C4orf36: variants seen among roughly 807,000 people sequenced by gnomAD.
The protein encoded by C4orf36 is uncharacterized protein C4orf36.
C4orf36 carries 11 observed loss-of-function variants against 12.2 expected under a neutral mutation model. The ratio of observed to expected loss-of-function variants is 0.90; its 90% confidence interval spans 0.57 to 1.49. The LOEUF (loss-of-function observed/expected upper bound fraction) is 1.49, where lower values mean the gene tolerates loss of function less well. Ranked by LOEUF, C4orf36 falls within the 40% of genes most tolerant of loss-of-function variation. C4orf36 has a pLI of 0.00. For synonymous variants in C4orf36, 54 were observed against 51.3 expected (o/e 1.05, Z -0.22); for missense variants, 137 against 133.9 (o/e 1.02, Z -0.11).
At chr4:86,890,647 G>C (rs1284586913) in intron 2 of C4orf36, among the ~76,000 whole-genome samples, 1 of 152,090 alleles carries the variant, frequency 6.6e-6, no homozygotes, top group East Asian at 1.9e-4. Flanking sequence ...TAATCCCGTA[G>C]GGAATCCTCA....
chr4:86,905,519 C>T, the C4orf36 span, among the ~76,000 whole-genome samples: 1 of 152,156 alleles, frequency 6.6e-6, no homozygotes, highest in Non-Finnish European at 1.5e-5. Flanking sequence ...CACCATTGCA[C>T]TCTAGCTTGG....
chr4:86,899,254 A>G, the C4orf36 span, among the ~76,000 whole-genome samples: 1 of 152,184 alleles, frequency 6.6e-6, no homozygotes, highest in Non-Finnish European at 1.5e-5. Flanking sequence ...GTCAAAGGAC[A>G]CCCCTGCAGT....
chr4:86,919,063 A>C, the C4orf36 span, among the ~76,000 whole-genome samples: 1 of 151,974 alleles, frequency 6.6e-6, no homozygotes, highest in Non-Finnish European at 1.5e-5. Flanking sequence ...TCCCATAGTC[A>C]GAGAGCCTGG....
At chr4:86,931,928 A>G in the C4orf36 span, among the ~76,000 whole-genome samples, 1 of 151,726 alleles carries the variant, frequency 6.6e-6, no homozygotes, top group South Asian at 2.1e-4. Flanking sequence ...CCAGCTACTC[A>G]GGAGGCTGAG....
chr4:86,881,644 A>G (rs558776237), intron 4 of C4orf36, among the ~76,000 whole-genome samples: 4 of 152,128 alleles, frequency 2.6e-5, no homozygotes, highest in Admixed American at 6.6e-5. Context: ...AATCAAGTGC[A>G]TTCTATTGTG....
At chr4:86,909,170 G>A in the C4orf36 span, among the ~76,000 whole-genome samples, 1 of 152,142 alleles carries the variant, frequency 6.6e-6, no homozygotes, top group South Asian at 2.1e-4. Context: ...AAATTATTCA[G>A]GGAAGGGGAT....
intron 4 of C4orf36, among the ~76,000 whole-genome samples, chr4:86,880,091 C>A (rs1747015385): frequency 6.6e-6 from 1 of 152,164 alleles, no homozygotes; most frequent in South Asian, 2.1e-4. Context: ...TGGTCTCAAG[C>A]AATCCTCCCA....
the C4orf36 span, among the ~76,000 whole-genome samples, chr4:86,934,317 A>G: frequency 6.6e-6 from 1 of 152,196 alleles, no homozygotes; most frequent in Non-Finnish European, 1.5e-5. Flanking sequence ...CAGCGACTTA[A>G]CTAGACATAA....
At chr4:86,910,219 A>C in the C4orf36 span, among the ~76,000 whole-genome samples, 1 of 152,098 alleles carries the variant, frequency 6.6e-6, no homozygotes, top group Non-Finnish European at 1.5e-5. Flanking sequence ...AGGCGGGCAG[A>C]TCACTTGAGA....
intron 2 of C4orf36, among the ~76,000 whole-genome samples, chr4:86,891,207 C>G (rs1293272593): frequency 6.8e-6 from 1 of 147,208 alleles, no homozygotes; most frequent in East Asian, 2.0e-4. Context: ...TGACTTTGAT[C>G]AAACTTCTCT....
At chr4:86,913,659 G>A in the C4orf36 span, 1 of 1,595,264 alleles carries the variant, frequency 6.3e-7, no homozygotes, top group Non-Finnish European at 8.6e-7. Flanking sequence ...TGAGGCATCA[G>A]CAACAGACAT....
At chr4:86,932,147 G>A in the C4orf36 span, 1 of 151,742 alleles carries the variant, frequency 6.6e-6, no homozygotes, top group African/African-American at 2.4e-5. Flanking sequence ...CGGAGTTCGA[G>A]ACCAGCCTGA....
At chr4:86,919,644 A>G in the C4orf36 span, among the ~76,000 whole-genome samples, 22,847 of 151,966 alleles carry the variant, frequency 0.15, 2,063 homozygotes, top group East Asian at 0.28. Context: ...TTCTTTTTAA[A>G]TTATGAATTC....
chr4:86,896,394 C>G (rs1265704591), upstream of C4orf36, among the ~76,000 whole-genome samples: 1 of 152,158 alleles, frequency 6.6e-6, no homozygotes, highest in African/African-American at 2.4e-5. Context: ...TTTCTTTTAA[C>G]TTAATGTGTA....
the C4orf36 span, chr4:86,924,687 T>A: frequency 3.3e-5 from 5 of 152,216 alleles, no homozygotes; most frequent in African/African-American, 9.6e-5. Flanking sequence ...TCTCTTATAA[T>A]GTGGGTCCTT....
At position 86,887,798 on chromosome 4, in the gene C4orf36, T is replaced by G. The variant is rs1162088708; in HGVS notation, c.316A>C (p.Arg106=). Residue 106 remains arginine, a synonymous_variant, in exon 4 of 5, where the codon AGG becomes CGG. Coordinates refer to ENST00000295898, the MANE Select transcript of C4orf36 (RefSeq NM_144645.4). ...AGAGGTCTTCTCAAACCGGCTGGCCTTTCCCTCAGGAGAAGCTGAATTTCC... is the reference window on the plus strand; with the variant it reads ...AGAGGTCTTCTCAAACCGGCTGGCCGTTCCCTCAGGAGAAGCTGAATTTCC... ...SKEIQLLLRE[R]PAGLRRPLPS... 12 of 1,614,120 alleles carry G rather than the reference T, an allele frequency of 7.4e-6. No homozygotes were observed. Among genetic ancestry groups the G allele is most frequent in the Non-Finnish European group, 1.0e-5 (12 of 1,180,050 alleles).
At chr4:86,893,613 T>C (rs192523466), upstream of C4orf36, among the ~76,000 whole-genome samples, 3 of 151,600 alleles carry the variant, frequency 2.0e-5, no homozygotes, top group African/African-American at 4.8e-5. Flanking sequence ...CACAGTAACC[T>C]TTCCATCTGA....
At chr4:86,882,959 A>G (rs1355849088) in intron 4 of C4orf36, among the ~76,000 whole-genome samples, 2 of 152,162 alleles carry the variant, frequency 1.3e-5, no homozygotes, top group African/African-American at 4.8e-5. Flanking sequence ...CTCTCTTCCC[A>G]ATTCGCAAAC....
chr4:86,917,590 G>A, the C4orf36 span, among the ~76,000 whole-genome samples: 2 of 149,262 alleles, frequency 1.3e-5, no homozygotes, highest in Non-Finnish European at 3.0e-5. Flanking sequence ...GAGAAGGGAA[G>A]GGAAAGAAGG....
Sources: allele counts gnomAD v4.1 joint callset (sites outside exome capture counted in the v4.1 genomes callset), GRCh38; gene constraint gnomAD v4.1.1; transcripts MANE v1.5; gene names NCBI Gene and HGNC (gene_info 2026-07-23, HGNC 2026-07-21).